The following TBC1D22A variants were observed in gnomAD, a reference collection of about 807,000 sequenced individuals.
TBC1D22A encodes putative GTPase activator.
A neutral mutation model predicts 60.2 loss-of-function variants in TBC1D22A; 38 were observed. That is an observed-to-expected ratio of 0.63 (90% CI 0.49 to 0.83). The LOEUF is 0.83. Among genes scored for constraint, TBC1D22A ranks in the 40% least tolerant of loss-of-function variants. The pLI, the probability that TBC1D22A is intolerant of heterozygous loss-of-function variation, is 0.00. For synonymous variants in TBC1D22A, 302 were observed against 281.7 expected, an observed-to-expected ratio of 1.07 and a Z score of -0.72; for missense variants, 628 against 701.0, an observed-to-expected ratio of 0.90 and a Z score of 1.18.
At chr22:47,149,528 G>C (rs890113845) in intron 12 of TBC1D22A, among the ~76,000 whole-genome samples, 1 of 152,260 alleles carries the variant, frequency 6.6e-6, no homozygotes, top group East Asian at 1.9e-4. Context: ...GGGCGGGACA[G>C]AGTTGTGATG....
intron 10 of TBC1D22A, among the ~76,000 whole-genome samples, chr22:47,005,690 C>T (rs115358714): frequency 0.018 from 2,711 of 149,108 alleles, 64 homozygotes; most frequent in African/African-American, 0.055. Context: ...ACATACACAC[C>T]TACACAGATA....
At chr22:47,137,139 C>A (rs962144974) in intron 12 of TBC1D22A, among the ~76,000 whole-genome samples, 4 of 152,200 alleles carry the variant, frequency 2.6e-5, no homozygotes, top group Admixed American at 1.3e-4. Flanking sequence ...TGGATCTGTA[C>A]GGTGTGTTCA....
chr22:47,031,023 C>A (rs1375197536), intron 10 of TBC1D22A, among the ~76,000 whole-genome samples: 1 of 152,238 alleles, frequency 6.6e-6, no homozygotes, highest in Non-Finnish European at 1.5e-5. Context: ...CTCCCCGGTG[C>A]CTTCTGGATG....
At chr22:46,916,699 G>T (rs2070390672) in intron 8 of TBC1D22A, among the ~76,000 whole-genome samples, 1 of 152,228 alleles carries the variant, frequency 6.6e-6, no homozygotes, top group Non-Finnish European at 1.5e-5. Context: ...GGCCCTGGAG[G>T]TGCCTGTCAT....
chr22:46,998,349 G>T (rs986303592), intron 10 of TBC1D22A, among the ~76,000 whole-genome samples: 3 of 152,230 alleles, frequency 2.0e-5, no homozygotes, highest in African/African-American at 4.8e-5. Flanking sequence ...TTAAATTAAT[G>T]AACAGAGCAT....
intron 8 of TBC1D22A, among the ~76,000 whole-genome samples, chr22:46,972,021 G>A (rs1454746736): frequency 1.3e-5 from 2 of 152,194 alleles, no homozygotes; most frequent in African/African-American, 4.8e-5. Context: ...ACAGAGCCAT[G>A]GCCAGCCAGC....
chr22:46,952,396 T>C (rs1220647796), intron 8 of TBC1D22A, among the ~76,000 whole-genome samples: 1 of 152,118 alleles, frequency 6.6e-6, no homozygotes. Context: ...TGCTAGTGTC[T>C]TCATTGAACT....
rs34843741 is a variant in TBC1D22A at position 47,162,705 on chromosome 22, G to A, written c.1426-10793G>A. Among the ~76,000 whole-genome samples, 117 of 37,438 alleles carry A rather than the reference G, an allele frequency of 3.1e-3. 1 individual carries two copies. Among genetic ancestry groups the A allele is most frequent in the African/African-American group, 9.8e-3 (100 of 10,252 alleles). 24.6% of individuals were successfully genotyped at this position (37,438 alleles called of 152,430 possible). On this transcript the variant is annotated intron_variant, in intron 12 of 12. Coordinates refer to ENST00000337137, the MANE Select transcript of TBC1D22A (RefSeq NM_014346.5). ...GTCGTGGGAATGGGACTGCGGACCCGGTGCAGGGAGAGTCGTGGGAATGGG... is the reference window on the plus strand; with the variant it reads ...GTCGTGGGAATGGGACTGCGGACCCAGTGCAGGGAGAGTCGTGGGAATGGG...
intron 8 of TBC1D22A, among the ~76,000 whole-genome samples, chr22:46,951,513 T>C (rs1220398238): frequency 5.3e-5 from 8 of 152,026 alleles, no homozygotes; most frequent in African/African-American, 1.9e-4. Context: ...GCTAAGAGAG[T>C]GATGGGACAT....
chr22:46,799,902 C>T (rs1210739155), intron 4 of TBC1D22A, among the ~76,000 whole-genome samples: 3 of 152,202 alleles, frequency 2.0e-5, no homozygotes, highest in African/African-American at 2.4e-5. Flanking sequence ...GTTGAGGTGG[C>T]GTCTGCCAGC....
intron 5 of TBC1D22A, among the ~76,000 whole-genome samples, chr22:46,882,363 A>T (rs2067894244): frequency 6.6e-6 from 1 of 151,702 alleles, no homozygotes; most frequent in Admixed American, 6.6e-5. Context: ...TCACCTTTGG[A>T]GCTCAGGAAA....
chr22:46,916,725 A>G (rs1268071968), intron 8 of TBC1D22A, among the ~76,000 whole-genome samples: 1 of 152,240 alleles, frequency 6.6e-6, no homozygotes, highest in African/African-American at 2.4e-5. Context: ...AAAGAGGTCA[A>G]GCGATCTTGC....
intron 6 of TBC1D22A, among the ~76,000 whole-genome samples, chr22:46,891,898 A>G (rs2068428699): frequency 6.6e-6 from 1 of 152,230 alleles, no homozygotes; most frequent in African/African-American, 2.4e-5. Flanking sequence ...CACACTTCAG[A>G]TCATAGCAGA....
At chr22:46,804,205 G>A (rs988077210) in intron 4 of TBC1D22A, among the ~76,000 whole-genome samples, 1 of 152,058 alleles carries the variant, frequency 6.6e-6, no homozygotes, top group African/African-American at 2.4e-5. Context: ...GCTTGCCCCC[G>A]GCCTTGGCCC....
At chr22:47,148,964 A>G (rs1428215836) in intron 12 of TBC1D22A, among the ~76,000 whole-genome samples, 1 of 149,300 alleles carries the variant, frequency 6.7e-6, no homozygotes, top group African/African-American at 2.6e-5. Context: ...GTGTCCCTTC[A>G]TGCCGGTTCT....
chr22:47,009,948 G>A lies in TBC1D22A; in HGVS notation c.1201+12239G>A, dbSNP rs912523879. 1.3e-5 allele frequency among the ~76,000 whole-genome samples: 2 copies of A among 152,206 alleles called. No individual in the cohort carries two copies. The highest frequency in any genetic ancestry group is 2.9e-5 in the Non-Finnish European group (2 of 68,032). ...GACACTGGCTGAGTCTGAGTCAGGGGCACCGAGGTGACAGTGGCCATTGTT... is the reference window on the plus strand; with the variant it reads ...GACACTGGCTGAGTCTGAGTCAGGGACACCGAGGTGACAGTGGCCATTGTT... On this transcript the variant is annotated intron_variant, in intron 10 of 12. Coordinates refer to ENST00000337137, the MANE Select transcript of TBC1D22A (RefSeq NM_014346.5). The surrounding 1 kb of genome is among the most constrained non-coding windows in gnomAD (Gnocchi z 5.8).
chr22:46,849,138 ATTATTATTC>A (rs2087156601), intron 4 of TBC1D22A, among the ~76,000 whole-genome samples: 1 of 152,146 alleles, frequency 6.6e-6, no homozygotes, highest in Non-Finnish European at 1.5e-5. Flanking sequence ...GGTTGTGGCC[ATTATTATTC>A]TGATGCTGGA....
intron 10 of TBC1D22A, among the ~76,000 whole-genome samples, chr22:47,022,080 C>T (rs1364462534): frequency 6.6e-6 from 1 of 152,218 alleles, no homozygotes; most frequent in Admixed American, 6.5e-5. Context: ...CCCCACAGTT[C>T]ATTTACACTT....
At chr22:46,790,883 T>C (rs2084374970) in intron 1 of TBC1D22A, among the ~76,000 whole-genome samples, 1 of 152,198 alleles carries the variant, frequency 6.6e-6, no homozygotes, top group Non-Finnish European at 1.5e-5. Context: ...TGTGCAAATA[T>C]TTGTCTCCAA....
Sources: gnomAD v4.1 joint callset for allele counts (sites outside exome capture counted in the v4.1 genomes callset) on GRCh38, gnomAD v4.1.1 for gene constraint, Gnocchi (gnomAD v3.1) non-coding constraint, MANE v1.5 for transcripts, NCBI Gene and HGNC (gene_info 2026-07-23, HGNC 2026-07-21) for gene names.